CBFA2T2: variants seen among roughly 807,000 people sequenced by gnomAD.
CBFA2T2 encodes the protein CBFA2/RUNX1 partner transcriptional co-repressor 2.
Under a neutral mutation model 62.2 loss-of-function variants are expected in CBFA2T2, and 11 were observed. The ratio of observed to expected loss-of-function variants is 0.18; its 90% CI spans 0.11 to 0.29. The LOEUF (loss-of-function observed/expected upper bound fraction) is 0.29. Ranked by LOEUF, CBFA2T2 falls within the 10% of genes least tolerant of loss-of-function variation. The probability of loss-of-function intolerance (pLI) is 1.00; values close to 1 mark genes in which losing one functional copy is unlikely to be tolerated. For synonymous variants in CBFA2T2, 295 were observed against 287.5 expected (o/e 1.03, Z -0.27); for missense variants, 592 against 774.1 (o/e 0.76, Z 2.79).
chr20:33,529,798 TA>T (rs2012003144), intron 1 of CBFA2T2, among the ~76,000 whole-genome samples: 1 of 143,792 alleles, frequency 7.0e-6, no homozygotes, highest in Non-Finnish European at 1.5e-5. Flanking sequence ...TTTTTTTTTT[TA>T]ATGAGATGGA....
intron 3 of CBFA2T2, among the ~76,000 whole-genome samples, chr20:33,616,328 T>G (rs1236950591): frequency 1.3e-5 from 2 of 152,190 alleles, no homozygotes; most frequent in Non-Finnish European, 2.9e-5. Flanking sequence ...TTGCCAATTT[T>G]TATTATAAAC....
At chr20:33,623,563 TTG>T (rs1568860192) in intron 5 of CBFA2T2, among the ~76,000 whole-genome samples, 1 of 83,452 alleles carries the variant, frequency 1.2e-5, no homozygotes, top group Admixed American at 1.0e-4. Flanking sequence ...CAGCTAATGT[TTG>T]TTTGTTTGTT....
chr20:33,540,543 T>TA (rs1181380586), intron 1 of CBFA2T2, among the ~76,000 whole-genome samples: 1 of 152,230 alleles, frequency 6.6e-6, no homozygotes, highest in Non-Finnish European at 1.5e-5. Flanking sequence ...ACCTGATTAA[T>TA]ATGCAAAGCA....
chr20:33,573,721 C>A (rs756996488), intron 1 of CBFA2T2, among the ~76,000 whole-genome samples: 1 of 151,972 alleles, frequency 6.6e-6, no homozygotes, highest in Non-Finnish European at 1.5e-5. Flanking sequence ...ACCTCGTGAT[C>A]CGCCCACCTC....
intron 1 of CBFA2T2, among the ~76,000 whole-genome samples, chr20:33,502,573 T>C (rs990476448): frequency 6.6e-6 from 1 of 151,528 alleles, no homozygotes; most frequent in African/African-American, 2.4e-5. Context: ...CCGGCTAATT[T>C]TTTGTATTTT....
chr20:33,499,019 G>A (rs752535877), intron 1 of CBFA2T2, among the ~76,000 whole-genome samples: 1 of 150,782 alleles, frequency 6.6e-6, no homozygotes, highest in Non-Finnish European at 1.5e-5. Context: ...ATTCCAGCCT[G>A]GGCGAAAGAG....
rs2017173326 is a variant in CBFA2T2 at position 33,649,447 on chromosome 20, T to C, written c.*4801T>C. 2 of 152,682 alleles carry C rather than the reference T, an allele frequency of 1.3e-5. No individual in the cohort carries two copies. The highest frequency in any genetic ancestry group is 4.1e-4 in the South Asian group (2 of 4,824). The allele number at this position is 152,682 out of a possible 1,614,324, so 9.5% of individuals were successfully genotyped here. A position where few individuals can be genotyped will look rare whatever the true frequency, so the allele number is the denominator to read the frequency against. The stretch of plus-strand genomic sequence containing the variant: ...ATGATGGTGCAGGTGACCTTTTCCA[T>C]CGTGAGCTAAGAGAAGGTTAGGAGG... On this transcript the variant is annotated 3_prime_UTR_variant, in exon 11 of 11. Transcript: ENST00000342704.
At chr20:33,595,093 A>G (rs1298982638) in intron 1 of CBFA2T2, among the ~76,000 whole-genome samples, 1 of 152,278 alleles carries the variant, frequency 6.6e-6, no homozygotes, top group Non-Finnish European at 1.5e-5. Flanking sequence ...CAGACTTGGC[A>G]ATTACAATAT....
chr20:33,537,451 C>T lies in CBFA2T2; in HGVS notation c.34+47150C>T, dbSNP rs566515209. ...AGATGGCAGCAGTACAGTCCAGCTT[C>T]GGCTGGGCATCAGAGGGAGACCGTG... On this transcript the variant is annotated intron_variant, in intron 1 of 10. Transcript: ENST00000342704. Among the ~76,000 whole-genome samples, 33 of 152,306 alleles carry T rather than the reference C, an allele frequency of 2.2e-4. No individual in the cohort carries two copies. The South Asian group carries it at 2.5e-3, about 11-fold the overall frequency.
intron 1 of CBFA2T2, among the ~76,000 whole-genome samples, chr20:33,556,466 A>G (rs563759398): frequency 1.3e-5 from 2 of 152,320 alleles, no homozygotes; most frequent in African/African-American, 2.4e-5. Flanking sequence ...ACTCCACTGC[A>G]AAAATTACTA....
chr20:33,617,569 A>C (rs1769411179), intron 3 of CBFA2T2, among the ~76,000 whole-genome samples: 1 of 152,128 alleles, frequency 6.6e-6, no homozygotes, highest in Non-Finnish European at 1.5e-5. Context: ...TATACTTAAA[A>C]TCATTCATGT....
intron 1 of CBFA2T2, among the ~76,000 whole-genome samples, chr20:33,494,273 ATTTT>A (rs1156307604): frequency 5.2e-4 from 11 of 21,346 alleles, no homozygotes; most frequent in African/African-American, 2.4e-3. Context: ...ATATATATAT[ATTTT>A]TTTTTTTTTT....
At chr20:33,561,545 C>T (rs918196659) in intron 1 of CBFA2T2, among the ~76,000 whole-genome samples, 5 of 152,130 alleles carry the variant, frequency 3.3e-5, no homozygotes, top group African/African-American at 4.8e-5. Flanking sequence ...TTTTATTTAG[C>T]AGAAATTGAC....
intron 1 of CBFA2T2, among the ~76,000 whole-genome samples, chr20:33,504,868 TC>T (rs1174097892): frequency 2.6e-5 from 4 of 152,186 alleles, no homozygotes; most frequent in African/African-American, 9.7e-5. Context: ...CTGGGTGAAA[TC>T]AATTTTGGTC....
At chr20:33,602,027 C>CA (rs2015160797) in intron 1 of CBFA2T2, 1 of 152,162 alleles carries the variant, frequency 6.6e-6, no homozygotes, top group Admixed American at 6.5e-5. Flanking sequence ...AGCCTGTTCT[C>CA]AAACTCTGGG....
At chr20:33,594,136 G>A (rs1165789870) in intron 1 of CBFA2T2, among the ~76,000 whole-genome samples, 1 of 152,184 alleles carries the variant, frequency 6.6e-6, no homozygotes, top group Non-Finnish European at 1.5e-5. Context: ...AGATGACAGT[G>A]GCTAAATTCT....
intron 1 of CBFA2T2, among the ~76,000 whole-genome samples, chr20:33,565,559 A>G (rs2013276533): frequency 6.6e-6 from 1 of 152,204 alleles, no homozygotes; most frequent in African/African-American, 2.4e-5. Flanking sequence ...AAAAATATGC[A>G]TTTTAGGATG....
intron 1 of CBFA2T2, among the ~76,000 whole-genome samples, chr20:33,532,983 A>G (rs973928085): frequency 3.3e-5 from 5 of 152,152 alleles, no homozygotes; most frequent in African/African-American, 1.2e-4. Flanking sequence ...TCTCATACAC[A>G]GCTGTTTCAA....
chr20:33,644,583 G>A lies in CBFA2T2; in HGVS notation c.1725G>A (p.Ser575=), dbSNP rs148637844. 1.7e-4 allele frequency: 279 copies of A among 1,613,188 alleles called. 2 individuals are homozygous for A. The East Asian group carries it at 2.5e-3, about 14-fold the overall frequency. ...SVPSPALDKT[S]ATTSRSSTPA... The stretch of plus-strand genomic sequence containing the variant: ...CCAGCCCAGCCCTCGACAAGACCTC[G>A]GCAACCACATCGCGTTCCTCAACAC... Residue 575 remains serine, a synonymous_variant, in exon 11 of 11, where the codon TCG becomes TCA. Coordinates refer to ENST00000342704, the MANE Select transcript of CBFA2T2 (RefSeq NM_001032999.3).
Sources: allele counts gnomAD v4.1 joint callset (sites outside exome capture counted in the v4.1 genomes callset), GRCh38; gene constraint gnomAD v4.1.1; transcripts MANE v1.5; gene names NCBI Gene and HGNC (gene_info 2026-07-23, HGNC 2026-07-21).